VCP: variants seen among roughly 807,000 people sequenced by gnomAD.
VCP encodes the protein valosin containing protein.
A neutral mutation model predicts 85.7 loss-of-function variants in VCP; 6 were observed. The observed-to-expected ratio is 0.07, with a 90% CI of 0.04 to 0.14. The LOEUF (loss-of-function observed/expected upper bound fraction) is 0.14, where lower values mean the gene tolerates loss of function less well. Among genes scored for constraint, VCP ranks in the 10% least tolerant of loss-of-function variants. The pLI, the probability that VCP is intolerant of heterozygous loss-of-function variation, is 1.00. For missense variants in VCP, 353 were observed against 1,043.4 expected (o/e 0.34, Z 9.12); for synonymous variants, 384 against 367.1 (o/e 1.05, Z -0.53).
At chr9:35,057,862 G>A in intron 15 of VCP, 1 of 408,176 alleles carries the variant, frequency 2.4e-6, no homozygotes, top group Non-Finnish European at 4.6e-6. Context: ...ACACACACTT[G>A]TCATAAAGCA....
chr9:35,072,470 G>T lies in VCP; in HGVS notation c.-117C>A, dbSNP rs1828979938. On this transcript the variant is annotated 5_prime_UTR_variant, in exon 1 of 17. Coordinates refer to ENST00000358901, the MANE Select transcript of VCP (RefSeq NM_007126.5). ...TTCCAGGCGGTGGGCGAGCAGCGGC[G>T]ACAAACCCGCAAGCGGCTTCCCTCT... 89 of 1,292,512 alleles carry T rather than the reference G, an allele frequency of 6.9e-5. 2 individuals are homozygous for T. In the South Asian group the frequency reaches 1.5e-3, roughly 22 times the overall value. 80.1% of individuals were successfully genotyped at this position (1,292,512 alleles called of 1,614,324 possible).
intron 1 of VCP, chr9:35,071,780 C>T: frequency 2.0e-6 from 2 of 988,628 alleles, no homozygotes; most frequent in Non-Finnish European, 2.4e-6. Context: ...GACCCGGCTC[C>T]AAAAAGGCGG....
chr9:35,068,556 C>T (rs1489141747), intron 1 of VCP, among the ~76,000 whole-genome samples, 194 bp from the exon 2 acceptor site: 1 of 152,194 alleles, frequency 6.6e-6, no homozygotes, highest in Admixed American at 6.5e-5. Flanking sequence ...TCCAGCAGCT[C>T]CTGGTATTTT....
At position 35,066,977 on chromosome 9, in the gene VCP, G is replaced by A. The variant is rs139510624; in HGVS notation, c.303-160C>T. The stretch of plus-strand genomic sequence containing the variant: ...AGGAGAACAGGGTGGAAGTGAGGGC[G>A]AAGGAACAGCCCCACTCACTCCTAA... On this transcript the variant is annotated intron_variant, in intron 3 of 16. Transcript: ENST00000358901. Among the ~76,000 whole-genome samples, 1,483 of 152,300 alleles carry A rather than the reference G, an allele frequency of 9.7e-3. 15 individuals carry two copies. Among genetic ancestry groups the A allele is most frequent in the Admixed American group, 0.028 (430 of 15,302 alleles).
In VCP at chr9:35,067,950, C is replaced by G; in HGVS notation, c.243G>C (p.Lys81Asn). 6.2e-7 allele frequency: 1 copy of G among 1,614,254 alleles called. No homozygotes were observed. Among genetic ancestry groups the G allele is most frequent in the Non-Finnish European group, 8.5e-7 (1 of 1,180,056 alleles). The change falls in exon 3 of 17, where the codon AAG becomes AAC. Residue 81 changes from lysine to asparagine, a missense_variant. Transcript: ENST00000358901. ...VLSDDTCSDE[K>N]IRMNRVVRNN... is the part of the protein sequence containing the mutation. Reference sequence around the variant, plus strand: ...TCCGAACAACTCTATTCATCCGAATCTTCTCATCAGAACAAGTATCATCAG... The same window carrying G: ...TCCGAACAACTCTATTCATCCGAATGTTCTCATCAGAACAAGTATCATCAG...
intron 3 of VCP, among the ~76,000 whole-genome samples, chr9:35,067,580 C>T (rs1294432229): frequency 1.3e-5 from 2 of 152,126 alleles, no homozygotes; most frequent in East Asian, 1.9e-4. Flanking sequence ...CATACACACC[C>T]TCGAGTGGTA....
rs899334124 is a variant in VCP, at chr9:35,056,432, T to A, written c.*685A>T. On this transcript the variant is annotated 3_prime_UTR_variant, in exon 17 of 17. Coordinates refer to ENST00000358901, the MANE Select transcript of VCP (RefSeq NM_007126.5). ...GAGGCAACAGGAGACATCATACCGATGTTGATCAGGAGAGGAAGAAGGTGC... is the reference window on the plus strand; with the variant it reads ...GAGGCAACAGGAGACATCATACCGAAGTTGATCAGGAGAGGAAGAAGGTGC... 3 of 155,974 alleles carry A rather than the reference T, an allele frequency of 1.9e-5. No individual in the cohort carries two copies. Among genetic ancestry groups the A allele is most frequent in the Non-Finnish European group, 4.3e-5 (3 of 70,238 alleles). 9.7% of individuals were successfully genotyped at this position (155,974 alleles called of 1,614,324 possible).
At chr9:35,063,193 G>C in intron 6 of VCP, 113 bp from the exon 7 acceptor site, 1 of 898,318 alleles carries the variant, frequency 1.1e-6, no homozygotes, top group Non-Finnish European at 1.8e-6. Context: ...ACAATATTAA[G>C]AATAAGCCCT....
chr9:35,072,376 C>T lies in VCP; in HGVS notation c.-23G>A, dbSNP rs760373249. On this transcript the variant is annotated 5_prime_UTR_variant, in exon 1 of 17. Coordinates refer to ENST00000358901, the MANE Select transcript of VCP (RefSeq NM_007126.5). Reference sequence around the variant, plus strand: ...CATGGCGCGCGCCTCTCCCGGCCGGCGGCTGTGGCGGCCCGCGGGTAACGG... The same window carrying T: ...CATGGCGCGCGCCTCTCCCGGCCGGTGGCTGTGGCGGCCCGCGGGTAACGG... 1.5e-5 allele frequency: 22 copies of T among 1,474,160 alleles called. 1 individual carries two copies. In the South Asian group the frequency reaches 2.8e-4, roughly 19 times the overall value. 91.3% of individuals were successfully genotyped at this position (1,474,160 alleles called of 1,614,324 possible).
At chr9:35,061,515 C>A in intron 10 of VCP, 62 bp downstream of exon 10, 5 of 1,450,944 alleles carry the variant, frequency 3.4e-6, no homozygotes, top group Non-Finnish European at 4.8e-6. Flanking sequence ...ATGTCTCTAG[C>A]CAGTTCCCAG....
chr9:35,059,020 G>C lies in VCP; in HGVS notation c.2160+44C>G, dbSNP rs1828667773. The stretch of plus-strand genomic sequence containing the variant: ...CAGGGCATGGTGGTGGCTGCTGCCT[G>C]GCTCTCCATGATTGGCACATCTGGG... On this transcript the variant is annotated intron_variant, in intron 15 of 16. Transcript: ENST00000358901. The surrounding 1 kb of genome is among the most constrained non-coding windows in gnomAD (Gnocchi z 4.9). The C allele has an allele frequency of 6.2e-7, 1 of 1,611,660 alleles. No individual in the cohort carries two copies. The highest frequency in any genetic ancestry group is 1.3e-5 in the African/African-American group (1 of 75,028).
At position 35,056,421 on chromosome 9, in the gene VCP, C is replaced by T. The variant is rs1231273338; in HGVS notation, c.*696G>A. On this transcript the variant is annotated 3_prime_UTR_variant, in exon 17 of 17. Coordinates refer to ENST00000358901, the MANE Select transcript of VCP (RefSeq NM_007126.5). ...AGACAAAGGGTGAGGCAACAGGAGA[C>T]ATCATACCGATGTTGATCAGGAGAG... 1 of 155,472 alleles carries T rather than the reference C, an allele frequency of 6.4e-6. No individual in the cohort carries two copies. Among genetic ancestry groups the T allele is most frequent in the Admixed American group, 6.3e-5 (1 of 15,862 alleles). 9.6% of individuals were successfully genotyped at this position (155,472 alleles called of 1,614,324 possible).
rs1009048936 is a variant in VCP, at chr9:35,072,449, A to G, written c.-96T>C. 1.5e-6 allele frequency: 2 copies of G among 1,364,098 alleles called. No individual in the cohort carries two copies. The highest frequency in any genetic ancestry group is 3.1e-5 in the African/African-American group (2 of 65,184). 84.5% of individuals were successfully genotyped at this position (1,364,098 alleles called of 1,614,324 possible). A position where few individuals can be genotyped will look rare whatever the true frequency, so the allele number is the denominator to read the frequency against. ...GACTGGGCCGGGGCTCGGCTCTTCC[A>G]GGCGGTGGGCGAGCAGCGGCGACAA... On this transcript the variant is annotated 5_prime_UTR_variant, in exon 1 of 17. Coordinates refer to ENST00000358901, the MANE Select transcript of VCP (RefSeq NM_007126.5).
intron 13 of VCP, 39 bp downstream of exon 13, chr9:35,060,274 C>T: frequency 6.2e-7 from 1 of 1,604,298 alleles, no homozygotes; most frequent in Non-Finnish European, 8.5e-7. Flanking sequence ...TCCTTGCCCT[C>T]AGGCAAATCA....
At chr9:35,057,315 C>T in intron 16 of VCP, 61 bp downstream of exon 16, 5 of 1,613,954 alleles carry the variant, frequency 3.1e-6, no homozygotes, top group Non-Finnish European at 4.2e-6. Context: ...GGACTCCCAT[C>T]CCTTTTGGTG....
chr9:35,072,037 C>T lies in VCP; in HGVS notation c.17+300G>A, dbSNP rs941909167. 5.0e-5 allele frequency: 61 copies of T among 1,209,556 alleles called. 2 individuals are homozygous for T. In the Admixed American group the frequency reaches 1.5e-3, roughly 31 times the overall value. The allele number at this position is 1,209,556 out of a possible 1,614,324, so 74.9% of individuals were successfully genotyped here. ...AGTGGGCCGGAAGACCTGGCCAGGC[C>T]CAGACGTCCGTTCTAAGGGAGCCAA... is the stretch of plus-strand genomic sequence containing the variant. On this transcript the variant is annotated intron_variant, in intron 1 of 16. Transcript: ENST00000358901.
chr9:35,072,263 C>G, intron 1 of VCP, 74 bp downstream of exon 1: 1 of 1,481,332 alleles, frequency 6.8e-7, no homozygotes, highest in Non-Finnish European at 8.9e-7. Flanking sequence ...ACGGCCAGGC[C>G]CCGCCGGGCC....
intron 7 of VCP, 147 bp from the exon 8 acceptor site, chr9:35,062,497 C>G: frequency 7.7e-7 from 1 of 1,304,876 alleles, no homozygotes; most frequent in Non-Finnish European, 1.1e-6. Context: ...CCTCTACCAG[C>G]CATTATCCCA....
Position 35,061,995 on chromosome 9 carries a change from G to T in VCP, c.1081+8C>A, listed in dbSNP as rs763106348. 6.2e-7 allele frequency: 1 copy of T among 1,614,196 alleles called. No homozygotes were observed. Among genetic ancestry groups the T allele is most frequent in the Admixed American group, 1.7e-5 (1 of 60,026 alleles). ...AAGGACGGGGTCAAAAGTATCTGGA[G>T]TCCTTACCAAATCGCCGTAGAGCTG... On this transcript the variant is annotated splice_region_variant and intron_variant, in intron 9 of 16. Coordinates refer to ENST00000358901, the MANE Select transcript of VCP (RefSeq NM_007126.5).
Sources: gnomAD v4.1 joint callset for allele counts (sites outside exome capture counted in the v4.1 genomes callset) on GRCh38, gnomAD v4.1.1 for gene constraint, Gnocchi (gnomAD v3.1) non-coding constraint, MANE v1.5 for transcripts, NCBI Gene and HGNC (gene_info 2026-07-23, HGNC 2026-07-21) for gene names.